TMC3: variants seen among roughly 807,000 people sequenced by gnomAD.
The protein encoded by TMC3 is transmembrane channel-like protein 3.
In TMC3, 98 loss-of-function variants were observed where a neutral mutation model predicts 110.6. That is an observed-to-expected ratio of 0.89 (90% confidence interval 0.75 to 1.05). The LOEUF is 1.05. Among genes scored for constraint, TMC3 ranks in the 50% least tolerant of loss-of-function variants. The pLI, the probability that TMC3 is intolerant of heterozygous loss-of-function variation, is 0.00. For synonymous variants in TMC3, 489 were observed against 513.1 expected (o/e 0.95, Z 0.63); for missense variants, 1,319 against 1,373.2 (o/e 0.96, Z 0.62).
rs575539588 is a variant in TMC3, at chr15:81,374,043, C to T, written c.35G>A (p.Gly12Asp). 103 of 1,613,816 alleles carry T rather than the reference C, an allele frequency of 6.4e-5. No individual in the cohort carries two copies. The highest frequency in any genetic ancestry group is 3.0e-4 in the Admixed American group (18 of 60,006). Residue 12 changes from glycine to aspartate, a missense_variant, in exon 1 of 22, where the codon GGC becomes GAC. Coordinates refer to ENST00000359440, the MANE Select transcript of TMC3 (RefSeq NM_001080532.3). ...GCACTGGCTGGCATTTCTCCGGATG[C>T]CTCTATAGCGCTGGGATGCCTTCGA... Reference protein sequence around the residue: ...KTSKASQRYRGIRRNASQCYL... With the variant: ...KTSKASQRYRDIRRNASQCYL...
At chr15:81,349,911 C>A (rs1893908579) in intron 10 of TMC3, among the ~76,000 whole-genome samples, 1 of 150,790 alleles carries the variant, frequency 6.6e-6, no homozygotes, top group Non-Finnish European at 1.5e-5. Flanking sequence ...TTTTTTGAGG[C>A]CAGGCATTGA....
At chr15:81,359,735 T>C (rs1209761242) in intron 4 of TMC3, among the ~76,000 whole-genome samples, 1 of 152,236 alleles carries the variant, frequency 6.6e-6, no homozygotes, top group East Asian at 1.9e-4. Flanking sequence ...GACTTACTTA[T>C]CTAAAATGGT....
intron 3 of TMC3, among the ~76,000 whole-genome samples, chr15:81,364,700 CAAA>C (rs71153571): frequency 1.8e-5 from 2 of 110,326 alleles, no homozygotes; most frequent in African/African-American, 6.1e-5. Context: ...AACATTATTC[CAAA>C]AAAAAAAAAA....
At chr15:81,351,306 G>A (rs775112815) in intron 10 of TMC3, among the ~76,000 whole-genome samples, 11 of 151,016 alleles carry the variant, frequency 7.3e-5, no homozygotes, top group Non-Finnish European at 1.5e-4. Flanking sequence ...ACTTACATAA[G>A]GAACAGAGAG....
chr15:81,340,662 T>G (rs1053077227), intron 16 of TMC3, among the ~76,000 whole-genome samples: 1 of 152,226 alleles, frequency 6.6e-6, no homozygotes, highest in Non-Finnish European at 1.5e-5. Context: ...CTGCTAGACA[T>G]GTAAAATGGG....
intron 4 of TMC3, among the ~76,000 whole-genome samples, chr15:81,360,230 G>T (rs1220676321): frequency 6.6e-6 from 1 of 151,980 alleles, no homozygotes; most frequent in Non-Finnish European, 1.5e-5. Flanking sequence ...TTAAAATCAC[G>T]ATTAGAATTA....
chr15:81,339,590 C>T lies in TMC3; in HGVS notation c.1845-86G>A, dbSNP rs756120448. 1.6e-4 allele frequency: 162 copies of T among 1,040,122 alleles called. 1 individual carries two copies. Among genetic ancestry groups the T allele is most frequent in the South Asian group, 8.9e-4 (65 of 73,236 alleles). The allele number at this position is 1,040,122 out of a possible 1,614,324, so 64.4% of individuals were successfully genotyped here. A position where few individuals can be genotyped will look rare whatever the true frequency, so the allele number is the denominator to read the frequency against. ...TATGCCCAAAGAGCTGCCACAGAAA[C>T]GGTTGCCCTGACTCTTTGCAAACTA... On this transcript the variant is annotated intron_variant, in intron 16 of 21. Transcript: ENST00000359440.
chr15:81,352,974 C>T (rs11852316), intron 9 of TMC3, among the ~76,000 whole-genome samples: 2,293 of 152,250 alleles, frequency 0.015, 75 homozygotes, highest in African/African-American at 0.053. Context: ...GCATTTGCCA[C>T]CACACCTGGC....
chr15:81,365,691 A>AAAAAAAAAAAAAAAAAAAT (rs1567070143), intron 3 of TMC3, among the ~76,000 whole-genome samples: 1 of 147,330 alleles, frequency 6.8e-6, no homozygotes, highest in South Asian at 2.2e-4. Flanking sequence ...AAAAAGAAAA[A>AAAAAAAAAAAAAAAAAAAT]GAAAAAAAAG....
At chr15:81,335,101 C>T in intron 20 of TMC3, 126 bp from the exon 21 acceptor site, 3 of 980,098 alleles carry the variant, frequency 3.1e-6, no homozygotes, top group Non-Finnish European at 4.5e-6. Context: ...AGTGCACTTA[C>T]AAATGCACCT....
intron 2 of TMC3, among the ~76,000 whole-genome samples, chr15:81,368,782 G>A (rs1894372269): frequency 6.6e-6 from 1 of 152,076 alleles, no homozygotes; most frequent in Admixed American, 6.5e-5. Context: ...CTGATTAATG[G>A]CAGCAAAAAA....
At chr15:81,369,570 A>G (rs1161460426) in intron 2 of TMC3, among the ~76,000 whole-genome samples, 3 of 152,114 alleles carry the variant, frequency 2.0e-5, no homozygotes, top group Admixed American at 2.0e-4. Context: ...TTCTGAAAAT[A>G]TTTAAACATT....
chr15:81,341,402 A>G lies in TMC3; in HGVS notation c.1832T>C (p.Phe611Ser). 6.2e-7 allele frequency: 1 copy of G among 1,611,178 alleles called. No homozygotes were observed. Among genetic ancestry groups the G allele is most frequent in the African/African-American group, 1.3e-5 (1 of 74,992 alleles). The change falls in exon 16 of 22, where the codon TTT becomes TCT. Residue 611 changes from phenylalanine (F) to serine (S), a missense_variant. Phe to Ser is a radical substitution (Grantham distance 155). Coordinates refer to ENST00000359440, the MANE Select transcript of TMC3 (RefSeq NM_001080532.3). ...LTCNVPHQQV[F>S]RASRSNNFYL... ...TATTCTTACTCACCTTGAGGCTCGA[A>G]ATACTTGCTGGTGGGGCACATTGCA...
intron 10 of TMC3, among the ~76,000 whole-genome samples, chr15:81,349,959 CAAAAA>C (rs59272742): frequency 9.3e-6 from 1 of 107,818 alleles, no homozygotes; most frequent in Non-Finnish European, 2.0e-5. Flanking sequence ...CCCATCTCTA[CAAAAA>C]AAAAAAAAAA....
In TMC3 at chr15:81,372,588, T is replaced by C. The variant is rs756106846; in HGVS notation, c.236+3A>G. 6 of 1,613,244 alleles carry C rather than the reference T, an allele frequency of 3.7e-6. No individual in the cohort carries two copies. Among genetic ancestry groups the C allele is most frequent in the Non-Finnish European group, 5.1e-6 (6 of 1,179,866 alleles). ...GATCAATAATGGCCATTGAGGCCCT[T>C]ACCTCAATGCCCTCAGCTTCTGTCC... On this transcript the variant is annotated splice_donor_region_variant and intron_variant, in intron 2 of 21. Coordinates refer to ENST00000359440, the MANE Select transcript of TMC3 (RefSeq NM_001080532.3).
chr15:81,344,700 A>C, intron 13 of TMC3, 66 bp downstream of exon 13: 4 of 1,493,924 alleles, frequency 2.7e-6, no homozygotes, highest in Non-Finnish European at 3.7e-6. Context: ...GTGACAGCTC[A>C]GAGAGTTGCT....
chr15:81,367,212 A>C (rs914656234), intron 3 of TMC3, among the ~76,000 whole-genome samples: 6 of 152,304 alleles, frequency 3.9e-5, no homozygotes, highest in Middle Eastern at 6.8e-3. Flanking sequence ...CCAAATGACT[A>C]ATTAAATTAA....
At chr15:81,362,035 T>C in intron 4 of TMC3, 185 bp downstream of exon 4, 1 of 518,862 alleles carries the variant, frequency 1.9e-6, no homozygotes, top group Non-Finnish European at 3.5e-6. Context: ...GTTCCCATTC[T>C]GGTAGGTGGT....
At chr15:81,335,297 A>G (rs749594909) in intron 20 of TMC3, among the ~76,000 whole-genome samples, 12 of 152,226 alleles carry the variant, frequency 7.9e-5, no homozygotes, top group South Asian at 2.1e-4. Flanking sequence ...GAGATAATAA[A>G]GCTTACACAA....
Sources: allele counts gnomAD v4.1 joint callset (sites outside exome capture counted in the v4.1 genomes callset), GRCh38; gene constraint gnomAD v4.1.1; transcripts MANE v1.5; gene names NCBI Gene and HGNC (gene_info 2026-07-23, HGNC 2026-07-21).